Variants in THAP7 observed in about 807,000 individuals in gnomAD.
The protein encoded by THAP7 is THAP domain-containing protein 7.
Under a neutral mutation model 29.2 loss-of-function variants are expected in THAP7, and 22 were observed. The ratio of observed to expected loss-of-function variants is 0.75; its 90% CI spans 0.54 to 1.08. THAP7 has a LOEUF of 1.08. Among genes scored for constraint, THAP7 ranks in the 50% least tolerant of loss-of-function variants. The pLI is 0.00. For missense variants in THAP7, 448 were observed against 416.2 expected, an observed-to-expected ratio of 1.08 and a Z score of -0.66; for synonymous variants, 208 against 173.4, an observed-to-expected ratio of 1.20 and a Z score of -1.57.
rs896563446 is a variant in THAP7 at position 21,001,128 on chromosome 22, G to T, written c.236+128C>A. On this transcript the variant is annotated intron_variant, in intron 2 of 3. Transcript: ENST00000215742. ...TGATCCTGGGGGTGGGTTTCACTGT[G>T]CAGAGCTGGGAACAGGAAACAGCCC... is the stretch of plus-strand genomic sequence containing the variant. The T allele has an allele frequency of 1.2e-5, 17 of 1,377,410 alleles. No individual in the cohort carries two copies. The African/African-American group carries it at 2.3e-4, about 19-fold the overall frequency. 85.3% of individuals were successfully genotyped at this position (1,377,410 alleles called of 1,614,324 possible).
At position 21,001,538 on chromosome 22, in the gene THAP7, G is replaced by A. The variant is rs1020552790; in HGVS notation, c.81-127C>T. The A allele has an allele frequency of 4.7e-5, 67 of 1,411,230 alleles. No individual in the cohort carries two copies. The African/African-American group carries it at 6.4e-4, about 14-fold the overall frequency. The allele number at this position is 1,411,230 out of a possible 1,614,324, so 87.4% of individuals were successfully genotyped here. Reference sequence around the variant, plus strand: ...CGAGACCTCCCTGCGACCCCGCCGGGTAAGCACCACCGCCCGGGCACAGAC... The same window carrying A: ...CGAGACCTCCCTGCGACCCCGCCGGATAAGCACCACCGCCCGGGCACAGAC... On this transcript the variant is annotated intron_variant, in intron 1 of 3. Transcript: ENST00000215742.
chr22:21,002,103 G>A lies in THAP7; in HGVS notation c.-192C>T. ...GCACTCACGCTCTGGCCATTGCTGC[G>A]CCGCCGAAGTCTCGCGAGGGGTAGC... On this transcript the variant is annotated 5_prime_UTR_variant, in exon 1 of 4. Coordinates refer to ENST00000215742, the MANE Select transcript of THAP7 (RefSeq NM_030573.3). 3.5e-6 allele frequency: 2 copies of A among 576,716 alleles called. No individual in the cohort carries two copies. Among genetic ancestry groups the A allele is most frequent in the Admixed American group, 3.8e-5 (1 of 26,534 alleles). 35.7% of individuals were successfully genotyped at this position (576,716 alleles called of 1,614,324 possible).
chr22:20,999,685 G>T lies in THAP7; in HGVS notation c.*195C>A. ...CTCCTTGGCAAAGAGCTTGGACTGA[G>T]CCCTCTAGGAGCTGCAGCCACTGTC... is the stretch of plus-strand genomic sequence containing the variant. On this transcript the variant is annotated 3_prime_UTR_variant, in exon 4 of 4. Transcript: ENST00000215742. 1.6e-6 allele frequency: 1 copy of T among 644,642 alleles called. No homozygotes were observed. Among genetic ancestry groups the T allele is most frequent in the Non-Finnish European group, 2.6e-6 (1 of 380,274 alleles). 39.9% of individuals were successfully genotyped at this position (644,642 alleles called of 1,614,324 possible).
At position 21,000,445 on chromosome 22, in the gene THAP7, A is replaced by G. The variant is rs1204934602; in HGVS notation, c.378-13T>C. 8 of 1,546,244 alleles carry G rather than the reference A, an allele frequency of 5.2e-6. No individual in the cohort carries two copies. The highest frequency in any genetic ancestry group is 1.7e-4 in the Middle Eastern group (1 of 5,934). On this transcript the variant is annotated splice_polypyrimidine_tract_variant and intron_variant, in intron 3 of 3. Coordinates refer to ENST00000215742, the MANE Select transcript of THAP7 (RefSeq NM_030573.3). ...GCCCTCGGAGCAGCTGGTAAGGGGGAAGAGAGAGACTGATGGGCTAGGCTG... is the reference window on the plus strand; with the variant it reads ...GCCCTCGGAGCAGCTGGTAAGGGGGGAGAGAGAGACTGATGGGCTAGGCTG...
chr22:21,001,500 A>G, intron 1 of THAP7, 89 bp from the exon 2 acceptor site: 1 of 1,514,988 alleles, frequency 6.6e-7, no homozygotes, highest in Non-Finnish European at 8.8e-7. Flanking sequence ...CGCAGACCCA[A>G]CACGCGCCGC....
At position 21,000,305 on chromosome 22, in the gene THAP7, G is replaced by GC; in HGVS notation, c.504dup (p.Pro169AlafsTer4). 7 of 1,555,844 alleles carry GC rather than the reference G, an allele frequency of 4.5e-6. No individual in the cohort carries two copies. The highest frequency in any genetic ancestry group is 6.1e-6 in the Non-Finnish European group (7 of 1,149,914). On this transcript the variant is annotated frameshift_variant, in exon 4 of 4. Transcript: ENST00000215742. LOFTEE classifies it high-confidence loss of function. ...TCTGAAAAGGGGCTGCTAAGGCCAG[G>GC]CTCCAGCCTCCCAGCTGGGGAGGCC... is the stretch of plus-strand genomic sequence containing the variant.
intron 3 of THAP7, 85 bp downstream of exon 3, chr22:21,000,562 C>A: frequency 6.3e-7 from 1 of 1,594,620 alleles, no homozygotes; most frequent in East Asian, 2.2e-5. Flanking sequence ...GAACCCTGTC[C>A]AGCGAGACTG....
In THAP7 at chr22:21,001,373, A is replaced by G; in HGVS notation, c.119T>C (p.Leu40Pro). ...KKDNPRRGLWLANCQRLDPSG... is the reference protein window; with the variant it reads ...KKDNPRRGLWPANCQRLDPSG... ...GGGGTCCAGCCGCTGGCAGTTGGCC[A>G]GCCACAAGCCTCGCCTCGGGTTGTC... Residue 40 changes from leucine to proline, a missense_variant, in exon 2 of 4, where the codon CTG becomes CCG. Physicochemically the swap from Leu to Pro is moderately conservative, Grantham distance 98. Coordinates refer to ENST00000215742, the MANE Select transcript of THAP7 (RefSeq NM_030573.3). 1 of 1,613,704 alleles carries G rather than the reference A, an allele frequency of 6.2e-7. No homozygotes were observed.
rs1289209275 is a variant in THAP7 at position 21,002,031 on chromosome 22, T to A, written c.-120A>T. ...GCCTGTCGGGTCCCCCCCGGCCCGT[T>A]GTCGCCCCAACCCCGTCCCAGCCGA... On this transcript the variant is annotated 5_prime_UTR_variant, in exon 1 of 4. Transcript: ENST00000215742. 4 of 946,850 alleles carry A rather than the reference T, an allele frequency of 4.2e-6. No individual in the cohort carries two copies. The African/African-American group carries it at 6.9e-5, about 16-fold the overall frequency. The allele number at this position is 946,850 out of a possible 1,614,324, so 58.7% of individuals were successfully genotyped here.
intron 2 of THAP7, chr22:21,001,024 TGGACTTGCTGGCAAGACTG>T: frequency 7.1e-6 from 6 of 846,606 alleles, no homozygotes; most frequent in Non-Finnish European, 1.1e-5. Context: ...CTTTGATTTG[TGGACTTGCTGGCAAGACTG>T]GGGCTCTGAA....
chr22:21,000,402 T>A lies in THAP7; in HGVS notation c.408A>T (p.Pro136=), dbSNP rs564308209. 2 of 1,553,148 alleles carry A rather than the reference T, an allele frequency of 1.3e-6. No individual in the cohort carries two copies. The highest frequency in any genetic ancestry group is 2.0e-5 in the Admixed American group (1 of 51,192). Residue 136 remains proline (P), a synonymous_variant, in exon 4 of 4, where the codon CCA becomes CCT. Coordinates refer to ENST00000215742, the MANE Select transcript of THAP7 (RefSeq NM_030573.3). ...CATCAGCAGGTGGAGGTGGAGAAAATGGAGTTGTGGGCCCTCGGCCCTCGG... is the reference window on the plus strand; with the variant it reads ...CATCAGCAGGTGGAGGTGGAGAAAAAGGAGTTGTGGGCCCTCGGCCCTCGG... The part of the protein sequence containing the change: ...RCSEGRGPTT[P]FSPPPPADVT...
At chr22:21,001,607 C>T in intron 1 of THAP7, 196 bp from the exon 2 acceptor site, 1 of 937,996 alleles carries the variant, frequency 1.1e-6, no homozygotes, top group East Asian at 2.7e-5. Context: ...TCCTCAGCGT[C>T]ATCTGGCAGG....
Position 21,000,078 on chromosome 22 carries a change from G to T in THAP7, c.732C>A (p.Ala244=), listed in dbSNP as rs756255895. The T allele has an allele frequency of 6.2e-7, 1 of 1,612,856 alleles. No individual in the cohort carries two copies. Among genetic ancestry groups the T allele is most frequent in the Non-Finnish European group, 8.5e-7 (1 of 1,179,924 alleles). ...TGTCAAGGGCATCAAGGGCTGCCTC[G>T]GCTCGCCGCTTCCAGAGTAAGGCGC... ...VGSALLWKRR[A]EAALDALDKA... is the part of the protein sequence containing the mutation. Residue 244 remains alanine (A), a synonymous_variant, in exon 4 of 4, where the codon GCC becomes GCA. Transcript: ENST00000215742.
chr22:21,000,143 C>T lies in THAP7; in HGVS notation c.667G>A (p.Gly223Arg), dbSNP rs754815287. 1.4e-5 allele frequency: 22 copies of T among 1,601,778 alleles called. No individual in the cohort carries two copies. Among genetic ancestry groups the T allele is most frequent in the Admixed American group, 3.5e-5 (2 of 57,706 alleles). ...CTGTGTTCATTCTGGATGTAGGCTC[C>T]GGCGGGTGGGGGCAGGCGCAGCATA... ...AYMLRLPPPA[G>R]AYIQNEHSYQ... The change falls in exon 4 of 4, where the codon GGA (glycine) becomes AGA (arginine). Residue 223 changes from glycine (G) to arginine (R), a missense_variant. Transcript: ENST00000215742.
At position 20,999,981 on chromosome 22, in the gene THAP7, G is replaced by T; in HGVS notation, c.829C>A (p.Gln277Lys). 1.2e-6 allele frequency: 2 copies of T among 1,612,822 alleles called. No homozygotes were observed. The highest frequency in any genetic ancestry group is 1.7e-6 in the Non-Finnish European group (2 of 1,179,976). The change falls in exon 4 of 4, where the codon CAG becomes AAG. Residue 277 changes from glutamine (Q) to lysine (K), a missense_variant. Coordinates refer to ENST00000215742, the MANE Select transcript of THAP7 (RefSeq NM_030573.3). The part of the protein sequence containing the change: ...RLRLRLTKLQ[Q>K]ERAREKRAQA... ...GCCCGCTTCTCCCGTGCCCGCTCCTGCTGCAGCTTGGTCAGTCTCAACCGC... is the reference window on the plus strand; with the variant it reads ...GCCCGCTTCTCCCGTGCCCGCTCCTTCTGCAGCTTGGTCAGTCTCAACCGC...
Position 21,001,819 on chromosome 22 carries a change from C to T in THAP7, c.80+13G>A. The T allele has an allele frequency of 3.2e-6, 5 of 1,547,244 alleles. No homozygotes were observed. Among genetic ancestry groups the T allele is most frequent in the Non-Finnish European group, 4.4e-6 (5 of 1,147,814 alleles). On this transcript the variant is annotated intron_variant, in intron 1 of 3. Coordinates refer to ENST00000215742, the MANE Select transcript of THAP7 (RefSeq NM_030573.3). ...CGCATGCGCACGTGAGCCCGCGGCG[C>T]ACGCGCGCTGACCTGTGGAAGGAGA...
chr22:21,000,988 G>C, intron 2 of THAP7: 3 of 913,516 alleles, frequency 3.3e-6, no homozygotes, highest in Non-Finnish European at 3.2e-6. Context: ...CATAAGCCGA[G>C]CTGGGCTGAC....
rs1601728636 is a variant in THAP7 at position 21,001,944 on chromosome 22, G to A, written c.-33C>T. On this transcript the variant is annotated 5_prime_UTR_variant, in exon 1 of 4. Transcript: ENST00000215742. ...AGAGGCGGGAGTTAAGTCGCAAGCG[G>A]CTCTCCGGGCATCCGGAGGAGCCTC... The A allele has an allele frequency of 2.6e-6, 4 of 1,526,476 alleles. No homozygotes were observed. The highest frequency in any genetic ancestry group is 2.5e-5 in the East Asian group (1 of 39,844). The allele number at this position is 1,526,476 out of a possible 1,614,324, so 94.6% of individuals were successfully genotyped here.
Position 21,001,942 on chromosome 22 carries a change from C to A in THAP7, c.-31G>T, listed in dbSNP as rs764215520. The A allele has an allele frequency of 6.7e-5, 103 of 1,529,142 alleles. No individual in the cohort carries two copies. The highest frequency in any genetic ancestry group is 8.6e-5 in the Non-Finnish European group (98 of 1,137,656). 94.7% of individuals were successfully genotyped at this position (1,529,142 alleles called of 1,614,324 possible). On this transcript the variant is annotated 5_prime_UTR_variant, in exon 1 of 4. Coordinates refer to ENST00000215742, the MANE Select transcript of THAP7 (RefSeq NM_030573.3). Reference sequence around the variant, plus strand: ...AAAGAGGCGGGAGTTAAGTCGCAAGCGGCTCTCCGGGCATCCGGAGGAGCC... The same window carrying A: ...AAAGAGGCGGGAGTTAAGTCGCAAGAGGCTCTCCGGGCATCCGGAGGAGCC...
Sources: gnomAD v4.1 joint callset for allele counts on GRCh38, gnomAD v4.1.1 for gene constraint, MANE v1.5 for transcripts, NCBI Gene and HGNC (gene_info 2026-07-23, HGNC 2026-07-21) for gene names.